CEP162: variants seen among roughly 807,000 people sequenced by gnomAD.
CEP162 encodes centrosomal protein 162.
A neutral mutation model predicts 169.2 loss-of-function variants in CEP162; 141 were observed. That is an observed-to-expected ratio of 0.83 (90% CI 0.73 to 0.96). The LOEUF (loss-of-function observed/expected upper bound fraction) is 0.96, where lower values mean the gene tolerates loss of function less well. Among genes scored for constraint, CEP162 ranks in the 40% least tolerant of loss-of-function variants. The pLI is 0.00. For missense variants in CEP162, 1,600 were observed against 1,587.2 expected (o/e 1.01, Z -0.14); for synonymous variants, 540 against 526.4 (o/e 1.03, Z -0.35).
intron 25 of CEP162, among the ~76,000 whole-genome samples, chr6:84,145,448 C>T (rs1267967427): frequency 2.0e-5 from 3 of 152,000 alleles, no homozygotes; most frequent in Admixed American, 1.3e-4. Context: ...CTTATTTTTG[C>T]CATTGGTCTT....
At chr6:84,197,945 T>C (rs73485366) in intron 9 of CEP162, among the ~76,000 whole-genome samples, 314 of 152,002 alleles carry the variant, frequency 2.1e-3, no homozygotes, top group African/African-American at 6.9e-3. Flanking sequence ...AATGCAGACA[T>C]AGCACAAAAT....
intron 6 of CEP162, among the ~76,000 whole-genome samples, chr6:84,207,755 G>A (rs916785680): frequency 2.6e-5 from 4 of 151,864 alleles, no homozygotes; most frequent in Non-Finnish European, 4.4e-5. Flanking sequence ...TTTAATGAGA[G>A]TTCAATTTAT....
intron 13 of CEP162, among the ~76,000 whole-genome samples, chr6:84,183,799 A>G (rs140811759): frequency 5.7e-4 from 87 of 152,312 alleles, no homozygotes; most frequent in African/African-American, 1.9e-3. Flanking sequence ...TTGTTAAACA[A>G]CAACTTAATT....
At chr6:84,191,753 G>A (rs1475259421) in intron 11 of CEP162, among the ~76,000 whole-genome samples, 2 of 152,150 alleles carry the variant, frequency 1.3e-5, no homozygotes, top group Non-Finnish European at 2.9e-5. Context: ...GTCTGTGTAT[G>A]AAGAAGAGTG....
rs2099526462 is a variant in CEP162 at position 84,163,211 on chromosome 6, A to G, written c.2445T>C (p.Leu815=). The G allele has an allele frequency of 6.2e-7, 1 of 1,612,318 alleles. No individual in the cohort carries two copies. ...IKRLKQDKQA[L]EVDFEKMKKE... ...TCTTCATTTTTTCGAAGTCTACTTC[A>G]AGAGCTTGTTTGTCTTGTTTCAGTC... Residue 815 remains leucine (L), a synonymous_variant, in exon 19 of 27, where the codon CTT becomes CTC. Coordinates refer to ENST00000403245, the MANE Select transcript of CEP162 (RefSeq NM_014895.4).
intron 11 of CEP162, among the ~76,000 whole-genome samples, chr6:84,191,194 G>T (rs2099539738): frequency 6.6e-6 from 1 of 151,950 alleles, no homozygotes; most frequent in Admixed American, 6.6e-5. Flanking sequence ...GTCAGTGACT[G>T]GGAACCTTAA....
intron 15 of CEP162, 102 bp from the exon 16 acceptor site, chr6:84,174,290 T>C (rs1455644906): frequency 4.3e-6 from 4 of 929,846 alleles, no homozygotes; most frequent in Non-Finnish European, 6.4e-6. Context: ...AAAACTGTCT[T>C]ATAATATTGA....
intron 5 of CEP162, among the ~76,000 whole-genome samples, chr6:84,213,427 T>C (rs2099550307): frequency 6.6e-6 from 1 of 152,208 alleles, no homozygotes. Flanking sequence ...GGTCAGCACT[T>C]ACATGCTAAT....
intron 11 of CEP162, among the ~76,000 whole-genome samples, chr6:84,190,254 A>AC (rs2099539262): frequency 6.6e-6 from 1 of 152,024 alleles, no homozygotes; most frequent in Non-Finnish European, 1.5e-5. Flanking sequence ...TCTGATGGGG[A>AC]CGTGGAGAAC....
chr6:84,222,694 C>A lies in CEP162; in HGVS notation c.58-1523G>T, dbSNP rs114867060. On this transcript the variant is annotated intron_variant, in intron 2 of 26. Transcript: ENST00000403245. ...TAACTCCTGTCCACTTTCCACTATA[C>A]TATGTAGTTCCCCAACTAGAATATT... Among the ~76,000 whole-genome samples the A allele has an allele frequency of 3.4e-3, 524 of 152,320 alleles. 3 individuals carry two copies. Among genetic ancestry groups the A allele is most frequent in the African/African-American group, 0.012 (482 of 41,582 alleles).
rs181429043 is a variant in CEP162, at chr6:84,155,090, T to C, written c.2994+208A>G. Among the ~76,000 whole-genome samples the C allele has an allele frequency of 1.0e-3, 157 of 152,320 alleles. 1 individual carries two copies. The highest frequency in any genetic ancestry group is 3.7e-3 in the African/African-American group (152 of 41,582). On this transcript the variant is annotated intron_variant, in intron 22 of 26. Transcript: ENST00000403245. ...GAGAGATGATGTAAAGATTATCCTG[T>C]GCTTGATTACTCTGTCAGAAATAGA...
chr6:84,214,478 A>G lies in CEP162; in HGVS notation c.503+804T>C, dbSNP rs532256693. Among the ~76,000 whole-genome samples, 10 of 152,260 alleles carry G rather than the reference A, an allele frequency of 6.6e-5. No homozygotes were observed. In the South Asian group the frequency reaches 8.3e-4, roughly 13 times the overall value. On this transcript the variant is annotated intron_variant, in intron 5 of 26. Coordinates refer to ENST00000403245, the MANE Select transcript of CEP162 (RefSeq NM_014895.4). ...TCCAGGAATCTTCTGTCTATTGTCA[A>G]CATCATAAAACCGGAAGGCTAGCTT...
At chr6:84,224,581 G>C (rs1237550724) in intron 2 of CEP162, among the ~76,000 whole-genome samples, 1 of 152,128 alleles carries the variant, frequency 6.6e-6, no homozygotes. Context: ...TACCACTACT[G>C]TCCTAAAAAA....
chr6:84,153,281 A>G (rs1427250481), intron 22 of CEP162, 102 bp from the exon 23 acceptor site: 3 of 1,024,974 alleles, frequency 2.9e-6, no homozygotes, highest in Admixed American at 6.3e-5. Context: ...TTATTCAGGT[A>G]CTCATTATAC....
At chr6:84,210,188 T>A (rs1156871408) in intron 6 of CEP162, among the ~76,000 whole-genome samples, 1 of 152,242 alleles carries the variant, frequency 6.6e-6, no homozygotes, top group Admixed American at 6.5e-5. Context: ...TGATTCTCTA[T>A]CCTTGTAACT....
rs752453139 is a variant in CEP162 at position 84,153,190 on chromosome 6, G to T, written c.2995-11C>A. The T allele has an allele frequency of 6.3e-7, 1 of 1,584,726 alleles. No individual in the cohort carries two copies. The highest frequency in any genetic ancestry group is 8.6e-7 in the Non-Finnish European group (1 of 1,169,514). The stretch of plus-strand genomic sequence containing the variant: ...TTGTTCATACTGAATCTGAAGGAAA[G>T]AATCCATGTAATGCCAAACACCTGT... On this transcript the variant is annotated splice_polypyrimidine_tract_variant and intron_variant, in intron 22 of 26. Coordinates refer to ENST00000403245, the MANE Select transcript of CEP162 (RefSeq NM_014895.4).
rs760191122 is a variant in CEP162 at position 84,155,432 on chromosome 6, C to T, written c.2860G>A (p.Gly954Ser). Residue 954 changes from glycine (G) to serine (S), a missense_variant, in exon 22 of 27, where the codon GGT (glycine) becomes AGT (serine). Coordinates refer to ENST00000403245, the MANE Select transcript of CEP162 (RefSeq NM_014895.4). Reference protein sequence around the residue: ...PALILAASAAGDTVDKNTVEF... With the variant: ...PALILAASAASDTVDKNTVEF... The stretch of plus-strand genomic sequence containing the variant: ...ACTGTATTTTTATCCACTGTATCAC[C>T]AGCTGCTGATGCAGCCAATATTAAA... 64 of 1,612,924 alleles carry T rather than the reference C, an allele frequency of 4.0e-5. No homozygotes were observed. In the South Asian group the frequency reaches 6.8e-4, roughly 17 times the overall value.
chr6:84,134,913 CAT>C (rs748205173), intron 25 of CEP162, among the ~76,000 whole-genome samples: 89 of 89,542 alleles, frequency 9.9e-4, no homozygotes, highest in Middle Eastern at 6.3e-3. Context: ...ATGAAAAGAT[CAT>C]ATATACACAC....
chr6:84,221,232 C>A, intron 2 of CEP162, 61 bp from the exon 3 acceptor site: 1 of 801,314 alleles, frequency 1.2e-6, no homozygotes. Flanking sequence ...ATCTCAGATT[C>A]ATCATTAAGC....
Sources: gnomAD v4.1 joint callset for allele counts (sites outside exome capture counted in the v4.1 genomes callset) on GRCh38, gnomAD v4.1.1 for gene constraint, MANE v1.5 for transcripts, NCBI Gene and HGNC (gene_info 2026-07-23, HGNC 2026-07-21) for gene names.